DCLK1: variants seen among roughly 807,000 people sequenced by gnomAD.
DCLK1 encodes the protein doublecortin like kinase 1.
A neutral mutation model predicts 86.2 loss-of-function variants in DCLK1; 16 were observed. The observed-to-expected ratio is 0.19, with a 90% CI of 0.13 to 0.28. The LOEUF (loss-of-function observed/expected upper bound fraction) is 0.28, where lower values mean the gene tolerates loss of function less well. Among genes scored for constraint, DCLK1 ranks in the 10% least tolerant of loss-of-function variants. The probability of loss-of-function intolerance (pLI) is 1.00; values close to 1 mark genes in which losing one functional copy is unlikely to be tolerated. For synonymous variants in DCLK1, 369 were observed against 370.5 expected (o/e 1.00, Z 0.05); for missense variants, 590 against 940.2 (o/e 0.63, Z 4.87).
At chr13:36,126,239 T>TA in intron 1 of DCLK1, 83 bp from the exon 2 acceptor site, 3 of 1,174,016 alleles carry the variant, frequency 2.6e-6, no homozygotes, top group Admixed American at 3.3e-5. Flanking sequence ...TTGTTTTTTT[T>TA]ATGTTAGGGA....
intron 5 of DCLK1, among the ~76,000 whole-genome samples, chr13:35,861,889 C>G (rs936396684): frequency 1.5e-4 from 23 of 151,644 alleles, no homozygotes; most frequent in African/African-American, 5.3e-4. Flanking sequence ...AAAAATTAGC[C>G]AGGCGTGGTG....
At chr13:35,934,721 G>C (rs946355292) in intron 4 of DCLK1, among the ~76,000 whole-genome samples, 4 of 152,150 alleles carry the variant, frequency 2.6e-5, no homozygotes, top group Non-Finnish European at 5.9e-5. Context: ...CAGTATGTCT[G>C]TGTGTGTGTC....
chr13:36,040,676 G>T (rs536271409), intron 3 of DCLK1, among the ~76,000 whole-genome samples: 1 of 152,044 alleles, frequency 6.6e-6, no homozygotes, highest in African/African-American at 2.4e-5. Flanking sequence ...GGAGTGGGGA[G>T]TTATGTTCCA....
At chr13:36,105,956 C>T (rs1885379233) in intron 3 of DCLK1, among the ~76,000 whole-genome samples, 1 of 152,130 alleles carries the variant, frequency 6.6e-6, no homozygotes, top group Non-Finnish European at 1.5e-5. Flanking sequence ...GAACTCACCA[C>T]CAGAAGGCAA....
intron 4 of DCLK1, among the ~76,000 whole-genome samples, chr13:35,944,968 C>A (rs1208120246): frequency 6.6e-6 from 1 of 152,090 alleles, no homozygotes; most frequent in Admixed American, 6.5e-5. Context: ...ATGGTGCGAT[C>A]TCGGTTCACC....
intron 5 of DCLK1, among the ~76,000 whole-genome samples, chr13:35,861,890 A>C (rs1871417711): frequency 6.6e-6 from 1 of 151,914 alleles, no homozygotes; most frequent in East Asian, 1.9e-4. Flanking sequence ...AAAATTAGCC[A>C]GGCGTGGTGG....
At chr13:35,900,976 A>G (rs1482783208) in intron 4 of DCLK1, among the ~76,000 whole-genome samples, 1 of 152,188 alleles carries the variant, frequency 6.6e-6, no homozygotes, top group Non-Finnish European at 1.5e-5. Context: ...GAAAGGAAAG[A>G]CTCAACAAAG....
rs554627679 is a variant in DCLK1 at position 36,070,694 on chromosome 13, T to G, written c.723+41175A>C. Among the ~76,000 whole-genome samples, 3 of 152,040 alleles carry G rather than the reference T, an allele frequency of 2.0e-5. No homozygotes were observed. In the East Asian group the frequency reaches 5.8e-4, roughly 30 times the overall value. On this transcript the variant is annotated intron_variant, in intron 3 of 16. Coordinates refer to ENST00000360631, the MANE Select transcript of DCLK1 (RefSeq NM_001330071.2). ...TCGCTCTTTGTTGCCCAGGCTGGAG[T>G]GCAATGGCGCAATCTCGGCTCACTG...
chr13:35,886,760 T>C (rs1473622192), intron 4 of DCLK1, among the ~76,000 whole-genome samples: 2 of 152,174 alleles, frequency 1.3e-5, no homozygotes, highest in East Asian at 3.9e-4. Context: ...TTTTGTGGAG[T>C]CTGTCAGTCG....
At chr13:35,921,456 G>A (rs1875798473) in intron 4 of DCLK1, among the ~76,000 whole-genome samples, 1 of 152,096 alleles carries the variant, frequency 6.6e-6, no homozygotes, top group South Asian at 2.1e-4. Flanking sequence ...GCAGAAATTC[G>A]ACTTCCTCAG....
chr13:35,778,310 T>C (rs2153097375), intron 16 of DCLK1, among the ~76,000 whole-genome samples: 1 of 152,332 alleles, frequency 6.6e-6, no homozygotes, highest in African/African-American at 2.4e-5. Flanking sequence ...CCAGGGTGTA[T>C]ACCTATTATT....
At chr13:35,829,324 A>G (rs1462373987) in intron 8 of DCLK1, among the ~76,000 whole-genome samples, 1 of 152,238 alleles carries the variant, frequency 6.6e-6, no homozygotes, top group Non-Finnish European at 1.5e-5. Context: ...CTTCATAATC[A>G]TAGTAAACCA....
chr13:36,105,847 A>T (rs1252587315), intron 3 of DCLK1, among the ~76,000 whole-genome samples: 1 of 152,104 alleles, frequency 6.6e-6, no homozygotes, highest in East Asian at 1.9e-4. Context: ...TGACCAGCTG[A>T]CTTTAAAGTC....
chr13:35,871,730 C>G (rs74046112), intron 4 of DCLK1, among the ~76,000 whole-genome samples: 355 of 152,274 alleles, frequency 2.3e-3, no homozygotes, highest in African/African-American at 8.3e-3. Context: ...GAAAGGTCAA[C>G]CTCATAAACC....
At chr13:36,067,746 T>C (rs1372446696) in intron 3 of DCLK1, among the ~76,000 whole-genome samples, 1 of 152,052 alleles carries the variant, frequency 6.6e-6, no homozygotes, top group African/African-American at 2.4e-5. Flanking sequence ...ATGCCAGGGT[T>C]CTTTCCACTA....
intron 4 of DCLK1, among the ~76,000 whole-genome samples, chr13:35,914,381 A>G (rs1467929138): frequency 1.4e-5 from 2 of 140,390 alleles, no homozygotes; most frequent in African/African-American, 2.6e-5. Context: ...ATATATATAT[A>G]TATATATATA....
chr13:36,013,994 C>T (rs1433443201), intron 3 of DCLK1, among the ~76,000 whole-genome samples: 1 of 152,182 alleles, frequency 6.6e-6, no homozygotes, highest in Non-Finnish European at 1.5e-5. Context: ...TCACCCCTTT[C>T]TTTGACTCGG....
intron 16 of DCLK1, among the ~76,000 whole-genome samples, chr13:35,790,676 C>T (rs1246456719): frequency 6.6e-6 from 1 of 152,072 alleles, no homozygotes; most frequent in African/African-American, 2.4e-5. Context: ...AATTCCTGAA[C>T]TTTTAATGAT....
rs1884086537 is a variant in DCLK1, at chr13:36,074,285, G to A, written c.723+37584C>T. Among the ~76,000 whole-genome samples, 2 of 151,788 alleles carry A rather than the reference G, an allele frequency of 1.3e-5. 1 individual carries two copies. Among genetic ancestry groups the A allele is most frequent in the South Asian group, 4.2e-4 (2 of 4,816 alleles). On this transcript the variant is annotated intron_variant, in intron 3 of 16. Coordinates refer to ENST00000360631, the MANE Select transcript of DCLK1 (RefSeq NM_001330071.2). ...TGGGAGGCCGAGGCGGGCAGATCGC[G>A]AGGTCAGGAGATCGAGACCTTCCCG... is the stretch of plus-strand genomic sequence containing the variant.
Sources: allele counts gnomAD v4.1 joint callset (sites outside exome capture counted in the v4.1 genomes callset), GRCh38; gene constraint gnomAD v4.1.1; transcripts MANE v1.5; gene names NCBI Gene and HGNC (gene_info 2026-07-23, HGNC 2026-07-21).